Variants in RNF115 observed in about 807,000 individuals in gnomAD.
RNF115 encodes the protein E3 ubiquitin-protein ligase RNF115.
In RNF115, 31 loss-of-function variants were observed where a neutral mutation model predicts 39.2. The ratio of observed to expected loss-of-function variants is 0.79; its 90% CI spans 0.59 to 1.07. The LOEUF is 1.07. RNF115 is among the 50% of genes least tolerant of loss of function. The probability of loss-of-function intolerance (pLI) is 0.00; values close to 1 mark genes in which losing one functional copy is unlikely to be tolerated. For synonymous variants in RNF115, 124 were observed against 131.0 expected (o/e 0.95, Z 0.37); for missense variants, 384 against 381.7 (o/e 1.01, Z -0.05).
chr1:145,790,938 T>C (rs1648636903), intron 1 of RNF115, among the ~76,000 whole-genome samples: 1 of 151,660 alleles, frequency 6.6e-6, no homozygotes, highest in South Asian at 2.1e-4. Flanking sequence ...GGTCAGGAGT[T>C]CAAGACCACC....
At chr1:145,757,245 G>T (rs1312116153) in intron 4 of RNF115, among the ~76,000 whole-genome samples, 1 of 152,032 alleles carries the variant, frequency 6.6e-6, no homozygotes, top group Non-Finnish European at 1.5e-5. Flanking sequence ...TCCAAATAAG[G>T]TCATATTCAC....
chr1:145,814,353 T>G (rs1649882890), intron 1 of RNF115, among the ~76,000 whole-genome samples: 1 of 152,074 alleles, frequency 6.6e-6, no homozygotes, highest in South Asian at 2.1e-4. Flanking sequence ...CTAGGCTATC[T>G]CATTTATTGC....
chr1:145,795,904 C>T (rs1648957831), intron 1 of RNF115, among the ~76,000 whole-genome samples: 1 of 152,190 alleles, frequency 6.6e-6, no homozygotes, highest in Non-Finnish European at 1.5e-5. Flanking sequence ...GACTATCCTC[C>T]TGCAATCAAC....
At chr1:145,795,016 C>CAAAAA (rs782249648) in intron 1 of RNF115, among the ~76,000 whole-genome samples, 1 of 78,298 alleles carries the variant, frequency 1.3e-5, no homozygotes, top group African/African-American at 5.7e-5. Context: ...GACTCCATTT[C>CAAAAA]AAAAAAAAAA....
intron 1 of RNF115, among the ~76,000 whole-genome samples, chr1:145,822,793 C>CT (rs1650339692): frequency 8.2e-6 from 1 of 121,806 alleles, no homozygotes; most frequent in Non-Finnish European, 1.7e-5. Flanking sequence ...GGGTCTCACT[C>CT]TGTTGCCCAG....
intron 2 of RNF115, among the ~76,000 whole-genome samples, chr1:145,784,985 T>C (rs782503711): frequency 4.6e-5 from 7 of 152,216 alleles, no homozygotes; most frequent in Admixed American, 1.3e-4. Context: ...CATTTGAGGC[T>C]ACAATAGTTA....
At position 145,784,519 on chromosome 1, in the gene RNF115, A is replaced by G. The variant is rs782164750; in HGVS notation, c.219+20T>C. On this transcript the variant is annotated intron_variant, in intron 3 of 8. Transcript: ENST00000582693. ...CCTAACCACTTCTTAAAGAATTCCTACAGCTAAAGGAAAACTTACCTCTGC... is the reference window on the plus strand; with the variant it reads ...CCTAACCACTTCTTAAAGAATTCCTGCAGCTAAAGGAAAACTTACCTCTGC... 44 of 1,608,878 alleles carry G rather than the reference A, an allele frequency of 2.7e-5. No homozygotes were observed. Among genetic ancestry groups the G allele is most frequent in the Non-Finnish European group, 3.7e-5 (43 of 1,175,384 alleles).
At chr1:145,761,483 G>A (rs1658502194) in intron 4 of RNF115, among the ~76,000 whole-genome samples, 1 of 152,238 alleles carries the variant, frequency 6.6e-6, no homozygotes, top group Admixed American at 6.5e-5. Context: ...CCAACATAGA[G>A]CTTGGGTTGT....
chr1:145,791,415 G>A (rs1300814562), intron 1 of RNF115, among the ~76,000 whole-genome samples: 5 of 151,312 alleles, frequency 3.3e-5, no homozygotes, highest in African/African-American at 1.2e-4. Context: ...GAGAGGCTAA[G>A]GCAGGAGAAT....
chr1:145,795,299 A>G (rs900961690), intron 1 of RNF115, among the ~76,000 whole-genome samples: 13 of 152,176 alleles, frequency 8.5e-5, no homozygotes, highest in African/African-American at 2.9e-4. Flanking sequence ...AAGAGTGAGC[A>G]GCAGCAAGTT....
chr1:145,794,085 C>T (rs1305622804), intron 1 of RNF115, among the ~76,000 whole-genome samples: 5 of 152,140 alleles, frequency 3.3e-5, no homozygotes, highest in African/African-American at 1.2e-4. Flanking sequence ...CTCGAGTGAT[C>T]CGCCTGCCTC....
rs1571696350 is a variant in RNF115 at position 145,743,000 on chromosome 1, T to C, written c.*3866A>G. The C allele has an allele frequency of 1.3e-5, 2 of 152,134 alleles. No homozygotes were observed. The highest frequency in any genetic ancestry group is 4.8e-5 in the African/African-American group (2 of 41,412). The allele number at this position is 152,134 out of a possible 1,614,324, so 9.4% of individuals were successfully genotyped here. On this transcript the variant is annotated 3_prime_UTR_variant, in exon 9 of 9. Transcript: ENST00000582693. The stretch of plus-strand genomic sequence containing the variant: ...GACCAACATGGTGAACCACTTCTCA[T>C]AGAGACACATTATTAACTTGGTGAA...
At chr1:145,748,984 A>G (rs1657980502) in intron 7 of RNF115, among the ~76,000 whole-genome samples, 1 of 152,210 alleles carries the variant, frequency 6.6e-6, no homozygotes, top group Admixed American at 6.5e-5. Flanking sequence ...GCAGAACTGC[A>G]AAGTCGAAGT....
intron 1 of RNF115, among the ~76,000 whole-genome samples, chr1:145,800,610 C>A (rs1449013454): frequency 3.9e-5 from 6 of 152,248 alleles, no homozygotes; most frequent in African/African-American, 1.4e-4. Flanking sequence ...GATAAAGAGG[C>A]CATCTCAAAG....
intron 3 of RNF115, among the ~76,000 whole-genome samples, chr1:145,780,233 A>G (rs949520463): frequency 6.6e-6 from 1 of 151,324 alleles, no homozygotes; most frequent in Non-Finnish European, 1.5e-5. Flanking sequence ...GTCTCAAAAA[A>G]ACAAACAAAA....
chr1:145,814,255 G>A (rs587769320), intron 1 of RNF115, among the ~76,000 whole-genome samples: 2 of 151,878 alleles, frequency 1.3e-5, no homozygotes, highest in African/African-American at 4.8e-5. Flanking sequence ...GTCAGACTCT[G>A]TCTCCAAAAA....
chr1:145,764,859 C>A (rs1415867435), intron 4 of RNF115, among the ~76,000 whole-genome samples: 4 of 152,186 alleles, frequency 2.6e-5, no homozygotes, highest in African/African-American at 9.6e-5. Context: ...TGCCTCTGCC[C>A]GGCCGCCCCT....
At position 145,823,883 on chromosome 1, in the gene RNF115, C is replaced by T; in HGVS notation, c.-10G>A. ...CCGAAGCCTCCGCCATTTTTGCCCT[C>T]CGCCGCGGCCGTCCGAGAGGGCAGC... On this transcript the variant is annotated 5_prime_UTR_variant, in exon 1 of 9. Coordinates refer to ENST00000582693, the MANE Select transcript of RNF115 (RefSeq NM_014455.4). 6.6e-7 allele frequency: 1 copy of T among 1,519,784 alleles called. No individual in the cohort carries two copies. The highest frequency in any genetic ancestry group is 8.8e-7 in the Non-Finnish European group (1 of 1,135,108). 94.1% of individuals were successfully genotyped at this position (1,519,784 alleles called of 1,614,324 possible). A position where few individuals can be genotyped will look rare whatever the true frequency, so the allele number is the denominator to read the frequency against.
At chr1:145,751,196 G>T (rs79379375) in intron 6 of RNF115, among the ~76,000 whole-genome samples, 2,205 of 152,248 alleles carry the variant, frequency 0.014, 63 homozygotes, top group African/African-American at 0.051. Context: ...ATTTGTTATA[G>T]AAGTCTTTTC....
Sources: gnomAD v4.1 joint callset for allele counts (sites outside exome capture counted in the v4.1 genomes callset) on GRCh38, gnomAD v4.1.1 for gene constraint, MANE v1.5 for transcripts, NCBI Gene and HGNC (gene_info 2026-07-23, HGNC 2026-07-21) for gene names.